Variants in NOTCH4 observed in about 807,000 individuals in gnomAD.
The protein encoded by NOTCH4 is neurogenic locus notch homolog protein 4.
NOTCH4 carries 138 observed loss-of-function variants against 189.0 expected under a neutral mutation model. That is an observed-to-expected ratio of 0.73 (90% CI 0.64 to 0.84). The LOEUF (loss-of-function observed/expected upper bound fraction) is 0.84, where lower values mean the gene tolerates loss of function less well. NOTCH4 is among the 40% of genes least tolerant of loss of function. The probability of loss-of-function intolerance (pLI) is 0.00; values close to 1 mark genes in which losing one functional copy is unlikely to be tolerated. For synonymous variants in NOTCH4, 942 were observed against 1,032.8 expected (o/e 0.91, Z 1.69); for missense variants, 2,286 against 2,605.4 (o/e 0.88, Z 2.67).
At chr6:32,205,999 T>C (rs760346621) in intron 18 of NOTCH4, among the ~76,000 whole-genome samples, 3 of 151,752 alleles carry the variant, frequency 2.0e-5, no homozygotes, top group Non-Finnish European at 2.9e-5. Context: ...ATTGCACCAC[T>C]ACATTCCAGC....
Position 32,210,692 on chromosome 6 carries a change from T to C in NOTCH4, c.2865+60A>G, listed in dbSNP as rs1788952960. The stretch of plus-strand genomic sequence containing the variant: ...CATTGGGTCTTCCCTCAGTCACTAC[T>C]GTCTCTCCCATCCAGCCCACCCTTG... On this transcript the variant is annotated intron_variant, in intron 18 of 29. Coordinates refer to ENST00000375023, the MANE Select transcript of NOTCH4 (RefSeq NM_004557.4). This position sits in a 1 kb window ranked among gnomAD's most constrained non-coding sequence, Gnocchi z 4.8. 3 of 1,531,984 alleles carry C rather than the reference T, an allele frequency of 2.0e-6. No homozygotes were observed. The highest frequency in any genetic ancestry group is 2.3e-5 in the South Asian group (2 of 88,874). 94.9% of individuals were successfully genotyped at this position (1,531,984 alleles called of 1,614,324 possible).
intron 19 of NOTCH4, 121 bp from the exon 20 acceptor site, chr6:32,204,003 TC>T: frequency 7.4e-7 from 1 of 1,352,504 alleles, no homozygotes. Context: ...GGGCATCTTT[TC>T]TGGGCGGGGG....
chr6:32,217,861 G>A lies in NOTCH4; in HGVS notation c.1624+134C>T, dbSNP rs1789511904. The A allele has an allele frequency of 1.1e-5, 7 of 636,956 alleles. No homozygotes were observed. The South Asian group carries it at 1.3e-4, about 12-fold the overall frequency. 39.5% of individuals were successfully genotyped at this position (636,956 alleles called of 1,614,324 possible). A position where few individuals can be genotyped will look rare whatever the true frequency, so the allele number is the denominator to read the frequency against. On this transcript the variant is annotated intron_variant, in intron 9 of 29. Coordinates refer to ENST00000375023, the MANE Select transcript of NOTCH4 (RefSeq NM_004557.4). The surrounding 1 kb of genome is among the most constrained non-coding windows in gnomAD (Gnocchi z 4.2). ...GATGTAAGAGTAGAGATTTTGGGGA[G>A]CAAAGACAGATTTGGAGGACTCCTT... is the stretch of plus-strand genomic sequence containing the variant.
At position 32,224,044 on chromosome 6, in the gene NOTCH4, C is replaced by T. The variant is rs1487273026; in HGVS notation, c.-116G>A. 13 of 1,085,102 alleles carry T rather than the reference C, an allele frequency of 1.2e-5. No homozygotes were observed. The highest frequency in any genetic ancestry group is 1.6e-5 in the South Asian group (1 of 61,390). 67.2% of individuals were successfully genotyped at this position (1,085,102 alleles called of 1,614,324 possible). A position where few individuals can be genotyped will look rare whatever the true frequency, so the allele number is the denominator to read the frequency against. ...TCCCACTGCCCCTCTTCTTCCTCCTCGGCCTGCTGCAAGCCTCACGTCTGA... is the reference window on the plus strand; with the variant it reads ...TCCCACTGCCCCTCTTCTTCCTCCTTGGCCTGCTGCAAGCCTCACGTCTGA... On this transcript the variant is annotated 5_prime_UTR_variant, in exon 1 of 30. Transcript: ENST00000375023.
chr6:32,198,348 T>C lies in NOTCH4; in HGVS notation c.4756+73A>G. On this transcript the variant is annotated intron_variant, in intron 26 of 29. Coordinates refer to ENST00000375023, the MANE Select transcript of NOTCH4 (RefSeq NM_004557.4). This position sits in a 1 kb window ranked among gnomAD's most constrained non-coding sequence, Gnocchi z 5.5. ...AAAATTATTTCCTCTAGTTCTGATA[T>C]TAAAGGACTCTCTGATTCTAATAGG... The C allele has an allele frequency of 6.8e-7, 1 of 1,467,162 alleles. No homozygotes were observed. Among genetic ancestry groups the C allele is most frequent in the Non-Finnish European group, 9.2e-7 (1 of 1,082,400 alleles). 90.9% of individuals were successfully genotyped at this position (1,467,162 alleles called of 1,614,324 possible). A position where few individuals can be genotyped will look rare whatever the true frequency, so the allele number is the denominator to read the frequency against.
chr6:32,221,464 C>G lies in NOTCH4; in HGVS notation c.452-139G>C. ...CCTTTATTACCATACTTTCTTTGCT[C>G]TGTTCCATCACCCCTGCTCTGAGCG... On this transcript the variant is annotated intron_variant, in intron 3 of 29. Transcript: ENST00000375023. This position sits in a 1 kb window ranked among gnomAD's most constrained non-coding sequence, Gnocchi z 4.3. 1.5e-6 allele frequency: 1 copy of G among 667,740 alleles called. No homozygotes were observed. The highest frequency in any genetic ancestry group is 2.5e-6 in the Non-Finnish European group (1 of 394,114). 41.4% of individuals were successfully genotyped at this position (667,740 alleles called of 1,614,324 possible).
intron 1 of NOTCH4, 136 bp from the exon 2 acceptor site, chr6:32,223,222 C>A: frequency 1.4e-6 from 1 of 710,372 alleles, no homozygotes; most frequent in Non-Finnish European, 2.6e-6. Context: ...ACATCTGTCC[C>A]CACTCTCCAC....
At chr6:32,218,724 C>T (rs1027382958) in intron 8 of NOTCH4, among the ~76,000 whole-genome samples, 9 of 152,142 alleles carry the variant, frequency 5.9e-5, no homozygotes, top group Admixed American at 1.3e-4. Context: ...GTTACCGAAC[C>T]GTTTTCTCTT....
chr6:32,214,373 C>A (rs1203148930), intron 12 of NOTCH4, 118 bp from the exon 13 acceptor site: 1 of 1,122,208 alleles, frequency 8.9e-7, no homozygotes, highest in Non-Finnish European at 1.3e-6. Flanking sequence ...TGGCCTCTTT[C>A]TTCAGTGACT....
chr6:32,214,903 G>A (rs938947571), intron 12 of NOTCH4, among the ~76,000 whole-genome samples: 2 of 152,126 alleles, frequency 1.3e-5, no homozygotes, highest in Non-Finnish European at 2.9e-5. Context: ...TGGGATTACC[G>A]GCATGAGACC....
Position 32,203,892 on chromosome 6 carries a change from T to C in NOTCH4, c.3119-10A>G. The C allele has an allele frequency of 6.5e-7, 1 of 1,549,470 alleles. No individual in the cohort carries two copies. The highest frequency in any genetic ancestry group is 8.7e-7 in the Non-Finnish European group (1 of 1,145,590). On this transcript the variant is annotated splice_polypyrimidine_tract_variant and intron_variant, in intron 19 of 29. Transcript: ENST00000375023. ...ACCTCACACCACTGGCCTGTAATTA[T>C]GGGGGAGATTAGATGTCACACACTG... is the stretch of plus-strand genomic sequence containing the variant.
intron 18 of NOTCH4, among the ~76,000 whole-genome samples, chr6:32,208,627 G>C (rs1182662815): frequency 2.6e-5 from 4 of 152,198 alleles, no homozygotes; most frequent in Non-Finnish European, 4.4e-5. Flanking sequence ...CCAGTTACTT[G>C]GGAGGCTGAA....
chr6:32,203,891 A>G lies in NOTCH4; in HGVS notation c.3119-9T>C, dbSNP rs1360134963. The G allele has an allele frequency of 2.6e-6, 4 of 1,549,206 alleles. No homozygotes were observed. In the South Asian group the frequency reaches 3.6e-5, roughly 14 times the overall value. On this transcript the variant is annotated splice_polypyrimidine_tract_variant and intron_variant, in intron 19 of 29. Transcript: ENST00000375023. ...CACCTCACACCACTGGCCTGTAATT[A>G]TGGGGGAGATTAGATGTCACACACT...
chr6:32,199,190 G>T lies in NOTCH4; in HGVS notation c.4316-45C>A, dbSNP rs1326200197. Reference sequence around the variant, plus strand: ...CACAAAGAGAGGCCACTCCTGGTGAGACTGATTACTATTGGGAGACCTTTG... The same window carrying T: ...CACAAAGAGAGGCCACTCCTGGTGATACTGATTACTATTGGGAGACCTTTG... On this transcript the variant is annotated intron_variant, in intron 23 of 29. Coordinates refer to ENST00000375023, the MANE Select transcript of NOTCH4 (RefSeq NM_004557.4). This position sits in a 1 kb window ranked among gnomAD's most constrained non-coding sequence, Gnocchi z 4.9. The T allele has an allele frequency of 7.1e-7, 1 of 1,407,984 alleles. No homozygotes were observed. Among genetic ancestry groups the T allele is most frequent in the Non-Finnish European group, 9.6e-7 (1 of 1,044,550 alleles). The allele number at this position is 1,407,984 out of a possible 1,614,324, so 87.2% of individuals were successfully genotyped here.
chr6:32,212,455 C>A lies in NOTCH4; in HGVS notation c.2680+19G>T. ...ATATTTTCTTCATTTGCTCTCCAGT[C>A]AGTGCCGGCGTTGGTTACCTTGGCT... On this transcript the variant is annotated intron_variant, in intron 17 of 29. Coordinates refer to ENST00000375023, the MANE Select transcript of NOTCH4 (RefSeq NM_004557.4). The surrounding 1 kb of genome is among the most constrained non-coding windows in gnomAD (Gnocchi z 4.4). The A allele has an allele frequency of 1.3e-6, 2 of 1,587,594 alleles. No homozygotes were observed. Among genetic ancestry groups the A allele is most frequent in the South Asian group, 1.1e-5 (1 of 87,362 alleles).
In NOTCH4 at chr6:32,217,007, A is replaced by G. The variant is rs570919170; in HGVS notation, c.1799T>C (p.Val600Ala). 2 of 1,613,100 alleles carry G rather than the reference A, an allele frequency of 1.2e-6. No individual in the cohort carries two copies. The highest frequency in any genetic ancestry group is 1.1e-5 in the South Asian group (1 of 91,082). ...TGGAAGATCAAGGCAGCTGGCTCCA[A>G]CGGGACATGGGTCACTCAGGCACTC... ...VDECLSDPCPVGASCLDLPGA... is the reference protein window; with the variant it reads ...VDECLSDPCPAGASCLDLPGA... Residue 600 changes from valine (V) to alanine (A), a missense_variant, in exon 11 of 30, where the codon GTT (valine) becomes GCT (alanine). Around this residue, in one of 2 missense-constraint regions of NOTCH4, gnomAD observed 1,903 missense variants for 2,261.9 expected, o/e 0.84. Coordinates refer to ENST00000375023, the MANE Select transcript of NOTCH4 (RefSeq NM_004557.4). This position sits in a 1 kb window ranked among gnomAD's most constrained non-coding sequence, Gnocchi z 4.2.
In NOTCH4 at chr6:32,195,926, C is replaced by T. The variant is rs1472799597; in HGVS notation, c.5523G>A (p.Pro1841=). The change falls in exon 30 of 30, where the codon CCG becomes CCA. Residue 1841 remains proline (P), a synonymous_variant. Coordinates refer to ENST00000375023, the MANE Select transcript of NOTCH4 (RefSeq NM_004557.4). This position sits in a 1 kb window ranked among gnomAD's most constrained non-coding sequence, Gnocchi z 5.4. Reference sequence around the variant, plus strand: ...CGCTTACTGACACCGTCCGTGCGCGCGGGAAGGGCCCAGCCTCGCGGCCCG... The same window carrying T: ...CGCTTACTGACACCGTCCGTGCGCGTGGGAAGGGCCCAGCCTCGCGGCCCG... ...ATPGREAGPF[P]RARTVSVSVP... 2 of 1,586,478 alleles carry T rather than the reference C, an allele frequency of 1.3e-6. No individual in the cohort carries two copies. Among genetic ancestry groups the T allele is most frequent in the Non-Finnish European group, 8.5e-7 (1 of 1,173,720 alleles).
chr6:32,220,051 A>C, intron 7 of NOTCH4, 78 bp downstream of exon 7: 15 of 1,479,626 alleles, frequency 1.0e-5, no homozygotes, highest in Non-Finnish European at 1.4e-5. Context: ...TAATTGGAAA[A>C]GCAATCTGCC....
At position 32,221,178 on chromosome 6, in the gene NOTCH4, T is replaced by C. The variant is rs1337893988; in HGVS notation, c.599A>G (p.Gln200Arg). 6.2e-7 allele frequency: 1 copy of C among 1,613,084 alleles called. No homozygotes were observed. The highest frequency in any genetic ancestry group is 8.5e-7 in the Non-Finnish European group (1 of 1,180,026). ...GCCTTTGGGGCAGGGTCCTGGGTCCTGGAAGCACTCGTTGACATCACGTTC... is the reference window on the plus strand; with the variant it reads ...GCCTTTGGGGCAGGGTCCTGGGTCCCGGAAGCACTCGTTGACATCACGTTC... ...ACERDVNECF[Q>R]DPGPCPKGTS... The change falls in exon 4 of 30, where the codon CAG (glutamine) becomes CGG (arginine). Residue 200 changes from glutamine (Q) to arginine (R), a missense_variant. Gln to Arg is a conservative substitution (Grantham distance 43). This residue lies in a region of NOTCH4 where 1,903 missense variants were observed against 2,261.9 expected (regional missense o/e 0.84). Coordinates refer to ENST00000375023, the MANE Select transcript of NOTCH4 (RefSeq NM_004557.4). The surrounding 1 kb of genome is among the most constrained non-coding windows in gnomAD (Gnocchi z 4.3).
Sources: gnomAD v4.1 joint callset for allele counts (sites outside exome capture counted in the v4.1 genomes callset) on GRCh38, gnomAD v4.1.1 for gene constraint, gnomAD v4.1.1 regional missense constraint, Gnocchi (gnomAD v3.1) non-coding constraint, MANE v1.5 for transcripts, NCBI Gene and HGNC (gene_info 2026-07-23, HGNC 2026-07-21) for gene names.